The following TGIF1 variants were observed in gnomAD, a reference collection of about 807,000 sequenced individuals.
TGIF1 encodes the protein TGFB induced factor homeobox 1, also known as homeobox protein TGIF1.
In TGIF1, 4 loss-of-function variants were observed where a neutral mutation model predicts 19.3. That is an observed-to-expected ratio of 0.21 (90% confidence interval 0.10 to 0.47). The LOEUF (loss-of-function observed/expected upper bound fraction) is 0.47, where lower values mean the gene tolerates loss of function less well. Among genes scored for constraint, TGIF1 ranks in the 20% least tolerant of loss-of-function variants. The pLI is 0.98. For missense variants in TGIF1, 275 were observed against 341.4 expected (o/e 0.81, Z 1.53); for synonymous variants, 122 against 129.3 (o/e 0.94, Z 0.38).
intron 1 of TGIF1, chr18:3,412,725 C>T (rs1041659975): frequency 6.6e-6 from 1 of 152,230 alleles, no homozygotes; most frequent in African/African-American, 2.4e-5. Context: ...CGGCCTTTGC[C>T]GTTGACTCAT....
chr18:3,422,475 T>C (rs1297300202), intron 2 of TGIF1, among the ~76,000 whole-genome samples: 5 of 151,326 alleles, frequency 3.3e-5, no homozygotes, highest in African/African-American at 1.2e-4. Context: ...TATAGTAAGG[T>C]AAAGTTAATT....
chr18:3,448,727 T>A (rs2082803822), upstream of TGIF1: 1 of 684,468 alleles, frequency 1.5e-6, no homozygotes, highest in East Asian at 1.4e-4. Flanking sequence ...CTTTTTTTTT[T>A]TTTTTTTTTT....
At chr18:3,450,136 G>A (rs1186698587), upstream of TGIF1, 1 of 1,117,036 alleles carries the variant, frequency 9.0e-7, no homozygotes, top group Non-Finnish European at 1.1e-6. Flanking sequence ...GGGGGCGGAG[G>A]CAGGACCTCC....
rs559795406 is a variant in TGIF1, at chr18:3,459,107, T to C, written c.*1167T>C. On this transcript the variant is annotated 3_prime_UTR_variant, in exon 3 of 3. Coordinates refer to ENST00000343820, the MANE Select transcript of TGIF1 (RefSeq NM_003244.4). ...GAATTGGTGTTGCTCCTTTCACTTG[T>C]ATGGTTGAGCAGATTTGTCACATGC... 7.9e-5 allele frequency: 12 copies of C among 152,320 alleles called. No individual in the cohort carries two copies. Among genetic ancestry groups the C allele is most frequent in the African/African-American group, 2.4e-4 (10 of 41,578 alleles). 9.4% of individuals were successfully genotyped at this position (152,320 alleles called of 1,614,324 possible).
At chr18:3,447,965 T>C (rs2082774493), upstream of TGIF1, 2 of 898,256 alleles carry the variant, frequency 2.2e-6, no homozygotes, top group Non-Finnish European at 2.7e-6. Context: ...CCAAGTCCAC[T>C]TGGACGAAAG....
At chr18:3,453,753 A>AG in intron 1 of TGIF1, 2 of 972,882 alleles carry the variant, frequency 2.1e-6, no homozygotes, top group Non-Finnish European at 2.4e-6. Flanking sequence ...TGGGATCCTC[A>AG]GGCCATGTTG....
At position 3,422,456 on chromosome 18, in the gene TGIF1, T is replaced by TA. The variant is rs1162611998; in HGVS notation, c.-45+4247dup. On this transcript the variant is annotated intron_variant, in intron 2 of 3. Coordinates refer to the TGIF1 transcript ENST00000401449. ...TTTAAAAATTTAAAACTTTATAAAA[T>TA]AAAAAAGTTATAGTAAGGTAAAGTT... Among the ~76,000 whole-genome samples the TA allele has an allele frequency of 2.0e-5, 3 of 151,472 alleles. No individual in the cohort carries two copies. In the East Asian group the frequency reaches 5.8e-4, roughly 29 times the overall value.
In TGIF1 at chr18:3,457,973, T is replaced by C. The variant is rs1453791263; in HGVS notation, c.*33T>C. The C allele has an allele frequency of 1.3e-6, 2 of 1,586,122 alleles. No individual in the cohort carries two copies. The highest frequency in any genetic ancestry group is 1.3e-5 in the African/African-American group (1 of 74,712). ...TCAAGCAAAACAGTTCTCAGAAATG[T>C]CATGATTGCCGGGGTGAAGGCAAGA... is the stretch of plus-strand genomic sequence containing the variant. On this transcript the variant is annotated 3_prime_UTR_variant, in exon 3 of 3. Transcript: ENST00000343820. This position sits in a 1 kb window ranked among gnomAD's most constrained non-coding sequence, Gnocchi z 4.9.
chr18:3,438,840 T>A (rs1182291945), intron 2 of TGIF1, among the ~76,000 whole-genome samples: 3 of 152,174 alleles, frequency 2.0e-5, no homozygotes, highest in Non-Finnish European at 2.9e-5. Context: ...GAAGTTTTCC[T>A]TCTGTGATTG....
chr18:3,437,546 G>T (rs1290355297), intron 2 of TGIF1, among the ~76,000 whole-genome samples: 2 of 152,178 alleles, frequency 1.3e-5, no homozygotes, highest in African/African-American at 4.8e-5. Context: ...AATGGGAACA[G>T]AAAGTGTATA....
chr18:3,423,430 A>G lies in TGIF1; in HGVS notation c.-45+5215A>G, dbSNP rs536519553. 7.9e-5 allele frequency among the ~76,000 whole-genome samples: 12 copies of G among 152,176 alleles called. No homozygotes were observed. In the East Asian group the frequency reaches 1.6e-3, roughly 20 times the overall value. ...CGCAGTGGCTCACGCTTGTAATCCC[A>G]GCACTTTGGGAGGCCAGGGCGGGCA... On this transcript the variant is annotated intron_variant, in intron 2 of 3. Coordinates refer to the TGIF1 transcript ENST00000401449.
At chr18:3,436,547 G>T (rs1356008564) in intron 2 of TGIF1, among the ~76,000 whole-genome samples, 2 of 152,226 alleles carry the variant, frequency 1.3e-5, no homozygotes, top group Non-Finnish European at 2.9e-5. Context: ...AGCCGGGCAT[G>T]GTGGCTCATG....
At chr18:3,439,159 G>A (rs984797066) in intron 2 of TGIF1, among the ~76,000 whole-genome samples, 4 of 151,988 alleles carry the variant, frequency 2.6e-5, no homozygotes, top group Admixed American at 6.6e-5. Context: ...GGGAGAAGGT[G>A]ACACTAGATG....
intron 2 of TGIF1, among the ~76,000 whole-genome samples, chr18:3,427,740 C>G (rs2082491658): frequency 6.6e-6 from 1 of 151,938 alleles, no homozygotes; most frequent in Non-Finnish European, 1.5e-5. Context: ...ACTGGGATTA[C>G]AGGCAACTGC....
At chr18:3,423,282 C>T (rs2082429432) in intron 2 of TGIF1, among the ~76,000 whole-genome samples, 1 of 152,096 alleles carries the variant, frequency 6.6e-6, no homozygotes, top group African/African-American at 2.4e-5. Flanking sequence ...CGTGGTGGCT[C>T]AGGCCTCTAA....
In TGIF1 at chr18:3,459,584, G is replaced by A. The variant is rs775588547; in HGVS notation, c.*1644G>A. ...AAATGAATGACGCAAAGGTGATCCA[G>A]AATCATTACTTGCTCCAACAGCTAG... On this transcript the variant is annotated 3_prime_UTR_variant, in exon 3 of 3. Coordinates refer to ENST00000343820, the MANE Select transcript of TGIF1 (RefSeq NM_003244.4). 5 of 152,188 alleles carry A rather than the reference G, an allele frequency of 3.3e-5. No individual in the cohort carries two copies. The highest frequency in any genetic ancestry group is 4.8e-5 in the African/African-American group (2 of 41,444). 9.4% of individuals were successfully genotyped at this position (152,188 alleles called of 1,614,324 possible). A position where few individuals can be genotyped will look rare whatever the true frequency, so the allele number is the denominator to read the frequency against.
At chr18:3,453,118 C>A (rs1183588618) in intron 1 of TGIF1, among the ~76,000 whole-genome samples, 1 of 150,960 alleles carries the variant, frequency 6.6e-6, no homozygotes, top group African/African-American at 2.4e-5. Flanking sequence ...TTCTTTTGTT[C>A]CTGGAGACCG....
At chr18:3,412,374 G>C (rs1457961681) in intron 1 of TGIF1, 1 of 152,082 alleles carries the variant, frequency 6.6e-6, no homozygotes, top group Admixed American at 6.5e-5. Context: ...ATTTTCATTA[G>C]CACTAGTGGG....
upstream of TGIF1, among the ~76,000 whole-genome samples, chr18:3,446,742 A>C (rs774298566): frequency 3.4e-4 from 52 of 152,326 alleles, no homozygotes; most frequent in Non-Finnish European, 5.9e-4. Flanking sequence ...TTTCTTAAGC[A>C]GTCCAAGACC....
Sources: gnomAD v4.1 joint callset for allele counts (sites outside exome capture counted in the v4.1 genomes callset) on GRCh38, gnomAD v4.1.1 for gene constraint, Gnocchi (gnomAD v3.1) non-coding constraint, MANE v1.5 for transcripts, NCBI Gene and HGNC (gene_info 2026-07-23, HGNC 2026-07-21) for gene names.